The following AP3B1 variants were observed in gnomAD, a reference collection of about 807,000 sequenced individuals.
AP3B1 encodes the protein AP-3 complex subunit beta-1.
Under a neutral mutation model 132.5 loss-of-function variants are expected in AP3B1, and 61 were observed. The ratio of observed to expected loss-of-function variants is 0.46; its 90% confidence interval spans 0.37 to 0.57. The LOEUF is 0.57. AP3B1 is among the 20% of genes least tolerant of loss of function. The pLI, the probability that AP3B1 is intolerant of heterozygous loss-of-function variation, is 0.00. For missense variants in AP3B1, 1,120 were observed against 1,289.4 expected (o/e 0.87, Z 2.01); for synonymous variants, 388 against 438.3 (o/e 0.89, Z 1.43).
chr5:78,233,515 G>A (rs754198542), intron 3 of AP3B1, among the ~76,000 whole-genome samples: 1 of 152,084 alleles, frequency 6.6e-6, no homozygotes, highest in Non-Finnish European at 1.5e-5. Flanking sequence ...GATTACAGGC[G>A]TGAGCCACCA....
At chr5:78,267,649 C>G in intron 1 of AP3B1, 54 bp from the exon 2 acceptor site, 2 of 1,044,436 alleles carry the variant, frequency 1.9e-6, no homozygotes, top group Admixed American at 1.8e-5. Context: ...TATTAGATAG[C>G]TTAAAATATA....
At chr5:78,078,054 T>C (rs1463311694) in intron 22 of AP3B1, among the ~76,000 whole-genome samples, 8 of 152,220 alleles carry the variant, frequency 5.3e-5, no homozygotes, top group Admixed American at 1.3e-4. Flanking sequence ...AGGATGTGTG[T>C]GTATGCACAC....
chr5:78,264,576 C>G (rs1029205413), intron 2 of AP3B1, among the ~76,000 whole-genome samples: 6 of 152,176 alleles, frequency 3.9e-5, no homozygotes, highest in Admixed American at 2.6e-4. Flanking sequence ...CTGATGCACA[C>G]TAATACTGCA....
At chr5:78,262,733 C>T (rs1748148831) in intron 2 of AP3B1, among the ~76,000 whole-genome samples, 1 of 150,506 alleles carries the variant, frequency 6.6e-6, no homozygotes, top group South Asian at 2.1e-4. Flanking sequence ...CGCTCTGTTG[C>T]CCAGGCTGGA....
chr5:78,223,019 G>GTTTCTCTTTTTTTT (rs1229443158), intron 6 of AP3B1, among the ~76,000 whole-genome samples: 1 of 105,354 alleles, frequency 9.5e-6, no homozygotes, highest in African/African-American at 3.6e-5. Context: ...TTGTTTGTTT[G>GTTTCTCTTTTTTTT]TTTGTTTCTT....
At chr5:78,219,626 C>T (rs1746098812) in intron 6 of AP3B1, among the ~76,000 whole-genome samples, 1 of 151,918 alleles carries the variant, frequency 6.6e-6, no homozygotes. Flanking sequence ...CTAAAATGTT[C>T]TATTTTTAGG....
At position 78,168,028 on chromosome 5, in the gene AP3B1, A is replaced by AC. The variant is rs58235415; in HGVS notation, c.1168-2357dup. ...AAAACCTACTGAAAAAAAAAAAAAA[A>AC]CAAAAAAAATAAAACAGCAAATGAT... On this transcript the variant is annotated intron_variant, in intron 11 of 26. Transcript: ENST00000255194. Among the ~76,000 whole-genome samples the AC allele has an allele frequency of 3.3e-5, 5 of 150,860 alleles. No individual in the cohort carries two copies. In the East Asian group the frequency reaches 9.7e-4, roughly 29 times the overall value.
At chr5:78,020,916 T>G in intron 24 of AP3B1, 127 bp from the exon 25 acceptor site, 1 of 730,386 alleles carries the variant, frequency 1.4e-6, no homozygotes, top group South Asian at 1.7e-5. Context: ...GGTTTAAACA[T>G]CACAGCTAAA....
chr5:78,028,662 G>A (rs950758995), intron 24 of AP3B1, among the ~76,000 whole-genome samples: 2 of 152,122 alleles, frequency 1.3e-5, no homozygotes, highest in African/African-American at 4.8e-5. Flanking sequence ...GAAGTCATTT[G>A]AATTTATAAC....
intron 12 of AP3B1, among the ~76,000 whole-genome samples, chr5:78,164,361 T>A (rs2112374627): frequency 6.6e-6 from 1 of 152,204 alleles, no homozygotes; most frequent in South Asian, 2.1e-4. Context: ...AAAGACTAGA[T>A]GACCAATATT....
chr5:78,109,299 A>C (rs529781578), intron 20 of AP3B1, among the ~76,000 whole-genome samples: 96 of 152,304 alleles, frequency 6.3e-4, no homozygotes, highest in African/African-American at 2.3e-3. Context: ...TTTAACAATA[A>C]ATCTCTGGAT....
chr5:78,030,679 A>G (rs750717867), intron 24 of AP3B1, among the ~76,000 whole-genome samples: 10 of 152,092 alleles, frequency 6.6e-5, no homozygotes, highest in Non-Finnish European at 1.2e-4. Context: ...GCACATGTTC[A>G]TTCATTCACT....
intron 24 of AP3B1, among the ~76,000 whole-genome samples, chr5:78,028,545 A>G (rs140647505): frequency 2.0e-5 from 3 of 152,150 alleles, no homozygotes; most frequent in African/African-American, 7.2e-5. Context: ...AACTTCCATT[A>G]TAATGTGGAA....
intron 24 of AP3B1, among the ~76,000 whole-genome samples, chr5:78,030,327 C>A (rs1051048954): frequency 6.6e-6 from 1 of 152,094 alleles, no homozygotes; most frequent in Non-Finnish European, 1.5e-5. Context: ...AGAAAATATT[C>A]TATTACAGCA....
intron 22 of AP3B1, among the ~76,000 whole-genome samples, chr5:78,070,512 T>C (rs1749491591): frequency 6.6e-6 from 1 of 151,692 alleles, no homozygotes; most frequent in Admixed American, 6.6e-5. Flanking sequence ...AAAGATTTTA[T>C]GATGAAAACG....
chr5:78,046,564 T>C (rs2112115549), intron 22 of AP3B1, among the ~76,000 whole-genome samples: 1 of 152,280 alleles, frequency 6.6e-6, no homozygotes, highest in South Asian at 2.1e-4. Context: ...CAAACAGCCT[T>C]TGGAAGACAG....
chr5:78,282,707 T>C (rs1310230490), intron 1 of AP3B1, among the ~76,000 whole-genome samples: 1 of 152,052 alleles, frequency 6.6e-6, no homozygotes, highest in East Asian at 1.9e-4. Flanking sequence ...GCTTAAAAAG[T>C]ACATCATATT....
chr5:78,042,554 A>G (rs1580273418), intron 22 of AP3B1: 2 of 171,676 alleles, frequency 1.2e-5, no homozygotes, highest in South Asian at 3.2e-4. Context: ...AGATTTTTAG[A>G]TAAGGCCTCA....
At chr5:78,267,486 T>C in intron 2 of AP3B1, 34 bp downstream of exon 2, 1 of 1,356,848 alleles carries the variant, frequency 7.4e-7, no homozygotes, top group Non-Finnish European at 1.1e-6. Flanking sequence ...TTGTCCATTT[T>C]TCCAAAATTG....
Sources: gnomAD v4.1 joint callset for allele counts (sites outside exome capture counted in the v4.1 genomes callset) on GRCh38, gnomAD v4.1.1 for gene constraint, MANE v1.5 for transcripts, NCBI Gene and HGNC (gene_info 2026-07-23, HGNC 2026-07-21) for gene names.